The following CASP6 variants were observed in gnomAD, a reference collection of about 807,000 sequenced individuals.
CASP6 encodes the protein caspase 6.
CASP6 carries 20 observed loss-of-function variants against 31.8 expected under a neutral mutation model. The ratio of observed to expected loss-of-function variants is 0.63; its 90% confidence interval spans 0.44 to 0.91. The LOEUF is 0.91. Among genes scored for constraint, CASP6 ranks in the 40% least tolerant of loss-of-function variants. CASP6 has a pLI of 0.00. For synonymous variants in CASP6, 130 were observed against 127.8 expected (o/e 1.02, Z -0.12); for missense variants, 328 against 361.1 (o/e 0.91, Z 0.74).
chr4:109,675,059 A>T, the CASP6 span, among the ~76,000 whole-genome samples: 1 of 152,244 alleles, frequency 6.6e-6, no homozygotes, highest in Non-Finnish European at 1.5e-5. Flanking sequence ...AACATGGTAT[A>T]TGTATTGTTA....
the CASP6 span, among the ~76,000 whole-genome samples, chr4:109,679,737 C>T: frequency 2.0e-5 from 3 of 152,206 alleles, no homozygotes; most frequent in Non-Finnish European, 4.4e-5. Context: ...CAAGCAGTTA[C>T]TTTAGAAAGC....
the CASP6 span, among the ~76,000 whole-genome samples, chr4:109,679,998 C>T: frequency 6.6e-6 from 1 of 152,134 alleles, no homozygotes; most frequent in Non-Finnish European, 1.5e-5. Context: ...GACGGGGTTT[C>T]ACCCTGTTGG....
rs74821484 is a variant in CASP6, at chr4:109,698,925, G to A, written c.41-583C>T. 6.9e-3 allele frequency among the ~76,000 whole-genome samples: 1,049 copies of A among 152,324 alleles called. 11 individuals carry two copies. The highest frequency in any genetic ancestry group is 0.024 in the African/African-American group (1,015 of 41,580). ...TCTCAACTGGACTCCCTACTCCCTGGACAGCCTTCCACTGAATTCCTCTCT... is the reference window on the plus strand; with the variant it reads ...TCTCAACTGGACTCCCTACTCCCTGAACAGCCTTCCACTGAATTCCTCTCT... On this transcript the variant is annotated intron_variant, in intron 1 of 6. Transcript: ENST00000265164.
upstream of CASP6, among the ~76,000 whole-genome samples, chr4:109,705,721 T>G (rs1449395890): frequency 6.6e-6 from 1 of 151,228 alleles, no homozygotes; most frequent in Non-Finnish European, 1.5e-5. Flanking sequence ...CTCATGCCTG[T>G]AAACCCAGCA....
chr4:109,709,107 A>G, the CASP6 span, among the ~76,000 whole-genome samples: 1 of 152,262 alleles, frequency 6.6e-6, no homozygotes, highest in African/African-American at 2.4e-5. Flanking sequence ...TACTGAACCC[A>G]CAGCAAGCTT....
At chr4:109,672,888 G>C in the CASP6 span, among the ~76,000 whole-genome samples, 2 of 152,152 alleles carry the variant, frequency 1.3e-5, no homozygotes, top group African/African-American at 4.8e-5. Context: ...GATCCAGGTT[G>C]ACCTTGTACC....
At position 109,689,370 on chromosome 4, in the gene CASP6, A is replaced by G; in HGVS notation, c.842T>C (p.Met281Thr). ...AAAGAAATGCAGCTTTTTAGTTAGC[A>G]TTGAGGCAAAACAGGGAACCTGCTT... ...GKKQVPCFAS[M>T]LTKKLHFFPK... Residue 281 changes from methionine (M) to threonine (T), a missense_variant, in exon 7 of 7, where the codon ATG becomes ACG. Transcript: ENST00000265164. The G allele has an allele frequency of 1.2e-6, 2 of 1,614,250 alleles. No individual in the cohort carries two copies. Among genetic ancestry groups the G allele is most frequent in the South Asian group, 1.1e-5 (1 of 91,088 alleles).
chr4:109,705,786 G>A (rs981136337), upstream of CASP6, among the ~76,000 whole-genome samples: 3 of 149,518 alleles, frequency 2.0e-5, no homozygotes, highest in Non-Finnish European at 3.0e-5. Flanking sequence ...ACCAGCCTAG[G>A]CAACAATGCA....
chr4:109,675,626 T>A, the CASP6 span, among the ~76,000 whole-genome samples: 1 of 152,206 alleles, frequency 6.6e-6, no homozygotes, highest in Non-Finnish European at 1.5e-5. Flanking sequence ...TTGAGTATGT[T>A]TCCCAAAGTT....
chr4:109,668,959 C>T, the CASP6 span, among the ~76,000 whole-genome samples: 7 of 152,004 alleles, frequency 4.6e-5, no homozygotes, highest in East Asian at 3.9e-4. Context: ...CCTTGTCTCA[C>T]GGCTGTCATT....
chr4:109,672,827 T>C, the CASP6 span, among the ~76,000 whole-genome samples: 121 of 152,342 alleles, frequency 7.9e-4, 1 homozygote, highest in African/African-American at 2.7e-3. Context: ...TGTGACTTGC[T>C]CCCTCTCCCC....
At chr4:109,675,126 C>G in the CASP6 span, among the ~76,000 whole-genome samples, 1 of 152,220 alleles carries the variant, frequency 6.6e-6, no homozygotes, top group Admixed American at 6.5e-5. Context: ...GAATAATTCT[C>G]TCTCATTTTT....
intron 1 of CASP6, chr4:109,702,682 A>T (rs1325679627): frequency 6.6e-6 from 1 of 152,246 alleles, no homozygotes; most frequent in Non-Finnish European, 1.5e-5. Context: ...TCTAAACTTT[A>T]CCAGTAATAA....
the CASP6 span, among the ~76,000 whole-genome samples, chr4:109,677,714 A>G: frequency 6.6e-6 from 1 of 151,922 alleles, no homozygotes; most frequent in Non-Finnish European, 1.5e-5. Flanking sequence ...ATTATGATGC[A>G]GCAAGAAGGC....
downstream of CASP6, chr4:109,684,971 T>C (rs529440991): frequency 2.6e-6 from 1 of 389,812 alleles, no homozygotes; most frequent in East Asian, 4.3e-5. Flanking sequence ...TCATGGTTAT[T>C]TAATATGCCA....
chr4:109,675,821 A>T, the CASP6 span, among the ~76,000 whole-genome samples: 3 of 152,140 alleles, frequency 2.0e-5, no homozygotes, highest in South Asian at 6.2e-4. Context: ...GTTGTGCATA[A>T]ACACTTGCTT....
upstream of CASP6, chr4:109,703,502 C>CTTCCTCGG: frequency 7.0e-7 from 1 of 1,434,354 alleles, no homozygotes; most frequent in Non-Finnish European, 9.5e-7. Context: ...GCCCCCTGCC[C>CTTCCTCGG]CCGAGCGTGG....
chr4:109,678,018 T>G, the CASP6 span, among the ~76,000 whole-genome samples: 1 of 151,970 alleles, frequency 6.6e-6, no homozygotes, highest in Non-Finnish European at 1.5e-5. Flanking sequence ...TGGTGATGAC[T>G]CTTAACGAGT....
intron 5 of CASP6, 134 bp downstream of exon 5, chr4:109,694,388 AACT>A: frequency 1.5e-6 from 1 of 673,452 alleles, no homozygotes; most frequent in Non-Finnish European, 2.5e-6. Context: ...CTCAAAGTGC[AACT>A]ATGATTGGCC....
Sources: allele counts gnomAD v4.1 joint callset (sites outside exome capture counted in the v4.1 genomes callset), GRCh38; gene constraint gnomAD v4.1.1; transcripts MANE v1.5; gene names NCBI Gene and HGNC (gene_info 2026-07-23, HGNC 2026-07-21).